VSX2: variants seen among roughly 807,000 people sequenced by gnomAD.
VSX2 encodes the protein ceh-10 homeo domain containing homolog.
A neutral mutation model predicts 32.1 loss-of-function variants in VSX2; 28 were observed. That is an observed-to-expected ratio of 0.87 (90% confidence interval 0.65 to 1.20). The LOEUF (loss-of-function observed/expected upper bound fraction) is 1.20. Ranked by LOEUF, VSX2 falls within the 50% of genes most tolerant of loss-of-function variation. The pLI, the probability that VSX2 is intolerant of heterozygous loss-of-function variation, is 0.00. For missense variants in VSX2, 506 were observed against 488.7 expected (o/e 1.04, Z -0.33); for synonymous variants, 243 against 214.1 (o/e 1.14, Z -1.18).
intron 3 of VSX2, 59 bp downstream of exon 3, chr14:74,245,347 T>G: frequency 6.2e-7 from 1 of 1,606,238 alleles, no homozygotes; most frequent in Non-Finnish European, 8.5e-7. Flanking sequence ...CATCTACCAC[T>G]CCAGGGTTCC....
At chr14:74,258,403 GC>G (rs1184876966) in intron 3 of VSX2, among the ~76,000 whole-genome samples, 1 of 152,188 alleles carries the variant, frequency 6.6e-6, no homozygotes, top group Non-Finnish European at 1.5e-5. Flanking sequence ...GGGGGAGGGG[GC>G]CCGGAGGGAA....
At chr14:74,257,283 C>T (rs1044549964) in intron 3 of VSX2, among the ~76,000 whole-genome samples, 1 of 152,256 alleles carries the variant, frequency 6.6e-6, no homozygotes. Flanking sequence ...TACACAAACC[C>T]TTTCCTTGGC....
intron 3 of VSX2, among the ~76,000 whole-genome samples, chr14:74,246,635 A>T (rs761122530): frequency 6.6e-5 from 10 of 152,228 alleles, no homozygotes; most frequent in Non-Finnish European, 5.9e-5. Context: ...GTGTAAGCCA[A>T]GCCTTAAACT....
chr14:74,248,343 A>AAC (rs1555387997), intron 3 of VSX2, among the ~76,000 whole-genome samples: 3 of 138,400 alleles, frequency 2.2e-5, no homozygotes, highest in African/African-American at 7.8e-5. Context: ...CTAAAAAAAA[A>AAC]AAAAAAAACA....
intron 4 of VSX2, 34 bp from the exon 5 acceptor site, chr14:74,260,557 CGCT>C: frequency 3.8e-6 from 6 of 1,559,942 alleles, no homozygotes; most frequent in Non-Finnish European, 5.2e-6. Context: ...CTTTCCCAGG[CGCT>C]TTTCTAAACC....
At chr14:74,250,222 G>A (rs945318644) in intron 3 of VSX2, among the ~76,000 whole-genome samples, 1 of 142,766 alleles carries the variant, frequency 7.0e-6, no homozygotes, top group Admixed American at 7.3e-5. Flanking sequence ...GGGTGACACA[G>A]CAGAATCCTG....
intron 3 of VSX2, among the ~76,000 whole-genome samples, chr14:74,251,534 G>A (rs1249323453): frequency 6.6e-6 from 1 of 152,220 alleles, no homozygotes; most frequent in African/African-American, 2.4e-5. Context: ...AGGTGATTCT[G>A]TGTGCAGTGA....
Position 74,259,768 on chromosome 14 carries a change from C to G in VSX2, c.746C>G (p.Ala249Gly). 6.2e-7 allele frequency: 1 copy of G among 1,612,550 alleles called. No individual in the cohort carries two copies. Among genetic ancestry groups the G allele is most frequent in the Non-Finnish European group, 8.5e-7 (1 of 1,179,456 alleles). The change falls in exon 4 of 5, where the codon GCC becomes GGC. Residue 249 changes from alanine (A) to glycine (G), a missense_variant. Coordinates refer to ENST00000261980, the MANE Select transcript of VSX2 (RefSeq NM_182894.3). ...AAGGATGGCATCATGGACTCCTGTG[C>G]CCCGTGGCTACTGGGTAAGAGCCCG... Reference protein sequence around the residue: ...SAKDGIMDSCAPWLLGMHKKS... With the variant: ...SAKDGIMDSCGPWLLGMHKKS...
rs375663408 is a variant in VSX2, at chr14:74,245,226, C to A, written c.517C>A (p.Pro173Thr). ...GAAGGCATTCAACGAAGCCCACTAC[C>A]CAGACGTCTATGCCCGGGAGATGCT... Reference protein sequence around the residue: ...LEKAFNEAHYPDVYAREMLAM... With the variant: ...LEKAFNEAHYTDVYAREMLAM... Residue 173 changes from proline (P) to threonine (T), a missense_variant, in exon 3 of 5, where the codon CCA (proline) becomes ACA (threonine). By Grantham distance (38) the Pro-to-Thr change is conservative (BLOSUM62 -1). Transcript: ENST00000261980. The A allele has an allele frequency of 5.0e-6, 8 of 1,613,620 alleles. No individual in the cohort carries two copies. Among genetic ancestry groups the A allele is most frequent in the Non-Finnish European group, 4.2e-6 (5 of 1,179,958 alleles).
intron 3 of VSX2, among the ~76,000 whole-genome samples, chr14:74,255,546 G>A (rs1467204705): frequency 6.6e-6 from 1 of 152,210 alleles, no homozygotes; most frequent in Non-Finnish European, 1.5e-5. Flanking sequence ...AGATCAGCCA[G>A]ATATTCATTT....
At chr14:74,240,279 C>T (rs1165810131) in intron 1 of VSX2, among the ~76,000 whole-genome samples, 2 of 152,202 alleles carry the variant, frequency 1.3e-5, no homozygotes, top group East Asian at 1.9e-4. Flanking sequence ...GCCCCAGCAC[C>T]GCTGCTCCAC....
rs1277025974 is a variant in VSX2 at position 74,239,735 on chromosome 14, C to T, written c.174C>T (p.Pro58=). The T allele has an allele frequency of 1.3e-6, 2 of 1,549,030 alleles. No individual in the cohort carries two copies. Among genetic ancestry groups the T allele is most frequent in the Non-Finnish European group, 1.7e-6 (2 of 1,146,668 alleles). Residue 58 remains proline (P), a synonymous_variant, in exon 1 of 5, where the codon CCC becomes CCT. Transcript: ENST00000261980. ...GGGCAGCGCTCGACGGCCTGGCCCC[C>T]GGGCACTTGCTGGCGGCGCGCTCAG... ...HPRAALDGLA[P]GHLLAARSVL...
Position 74,259,627 on chromosome 14 carries a change from A to G in VSX2, c.605A>G (p.Lys202Arg). The G allele has an allele frequency of 1.2e-6, 2 of 1,614,138 alleles. No homozygotes were observed. Among genetic ancestry groups the G allele is most frequent in the Admixed American group, 3.3e-5 (2 of 60,022 alleles). ...GTCTGGTTCCAGAACCGTCGAGCCA[A>G]GTGGAGGAAGCGGGAGAAGTGCTGG... ...IQVWFQNRRA[K>R]WRKREKCWGR... is the part of the protein sequence containing the mutation. The change falls in exon 4 of 5, where the codon AAG becomes AGG. Residue 202 changes from lysine to arginine, a missense_variant. Coordinates refer to ENST00000261980, the MANE Select transcript of VSX2 (RefSeq NM_182894.3).
At chr14:74,239,995 CG>C in intron 1 of VSX2, 64 bp downstream of exon 1, 1 of 1,532,964 alleles carries the variant, frequency 6.5e-7, no homozygotes. Context: ...CCCGCGCCGT[CG>C]GCTCTCGCTT....
chr14:74,255,490 G>A (rs2079257468), intron 3 of VSX2, among the ~76,000 whole-genome samples: 1 of 152,208 alleles, frequency 6.6e-6, no homozygotes, highest in African/African-American at 2.4e-5. Flanking sequence ...CGACCAGCTG[G>A]CACTGGCTCC....
rs1046526607 is a variant in VSX2 at position 74,239,510 on chromosome 14, G to A, written c.-52G>A. 1.3e-6 allele frequency: 2 copies of A among 1,549,088 alleles called. No homozygotes were observed. Among genetic ancestry groups the A allele is most frequent in the Non-Finnish European group, 1.7e-6 (2 of 1,146,676 alleles). ...TCGCGAAGCGGGAAGCCCGGCGGGGGGGTGGGGGGAGCTAAAGACCTGCGG... is the reference window on the plus strand; with the variant it reads ...TCGCGAAGCGGGAAGCCCGGCGGGGAGGTGGGGGGAGCTAAAGACCTGCGG... On this transcript the variant is annotated 5_prime_UTR_variant, in exon 1 of 5. Coordinates refer to ENST00000261980, the MANE Select transcript of VSX2 (RefSeq NM_182894.3).
intron 1 of VSX2, 136 bp downstream of exon 1, chr14:74,240,067 T>C: frequency 8.4e-7 from 1 of 1,187,084 alleles, no homozygotes. Context: ...GCCTGGGCCT[T>C]GGGCCGACGC....
intron 2 of VSX2, among the ~76,000 whole-genome samples, chr14:74,244,036 A>G (rs2079168308): frequency 6.6e-6 from 1 of 152,104 alleles, no homozygotes; most frequent in South Asian, 2.1e-4. Flanking sequence ...ACCACCCAAA[A>G]CCTGGTGAAA....
At chr14:74,242,660 A>G (rs1157286895) in intron 2 of VSX2, among the ~76,000 whole-genome samples, 6 of 144,458 alleles carry the variant, frequency 4.2e-5, no homozygotes, top group African/African-American at 1.3e-4. Flanking sequence ...ACGAATATTC[A>G]TTAAAACACT....
Sources: allele counts gnomAD v4.1 joint callset (sites outside exome capture counted in the v4.1 genomes callset), GRCh38; gene constraint gnomAD v4.1.1; transcripts MANE v1.5; gene names NCBI Gene and HGNC (gene_info 2026-07-23, HGNC 2026-07-21).